Variants in ZDHHC13 observed in about 807,000 individuals in gnomAD.
The protein encoded by ZDHHC13 is zDHHC palmitoyltransferase 13, also known as palmitoyltransferase ZDHHC13.
ZDHHC13 carries 85 observed loss-of-function variants against 86.0 expected under a neutral mutation model. The observed-to-expected ratio is 0.99, with a 90% CI of 0.83 to 1.18. The LOEUF is 1.18. Among genes scored for constraint, ZDHHC13 ranks in the 50% most tolerant of loss-of-function variants. ZDHHC13 has a pLI of 0.00. For synonymous variants in ZDHHC13, 263 were observed against 246.4 expected (o/e 1.07, Z -0.63); for missense variants, 711 against 730.2 (o/e 0.97, Z 0.30).
At chr11:19,160,133 A>C (rs1849870687) in intron 10 of ZDHHC13, among the ~76,000 whole-genome samples, 1 of 152,034 alleles carries the variant, frequency 6.6e-6, no homozygotes, top group African/African-American at 2.4e-5. Context: ...TGGCCATAGG[A>C]GTTCTCAAAG....
chr11:19,166,412 G>A (rs776340301), intron 14 of ZDHHC13, 27 bp downstream of exon 14: 3 of 1,552,200 alleles, frequency 1.9e-6, no homozygotes, highest in African/African-American at 1.4e-5. Context: ...CTTACAACAA[G>A]CACATACATC....
chr11:19,138,967 G>A (rs564889765), intron 1 of ZDHHC13, among the ~76,000 whole-genome samples: 27 of 151,878 alleles, frequency 1.8e-4, no homozygotes, highest in Non-Finnish European at 1.5e-5. Context: ...ATACTGAATG[G>A]GCAAAAACTG....
At position 19,147,581 on chromosome 11, in the gene ZDHHC13, G is replaced by T. The variant is rs1475747961; in HGVS notation, c.297-15G>T. 2 of 1,574,756 alleles carry T rather than the reference G, an allele frequency of 1.3e-6. No homozygotes were observed. The highest frequency in any genetic ancestry group is 1.3e-5 in the African/African-American group (1 of 74,082). On this transcript the variant is annotated splice_polypyrimidine_tract_variant and intron_variant, in intron 3 of 16. Coordinates refer to ENST00000446113, the MANE Select transcript of ZDHHC13 (RefSeq NM_019028.3). ...AGTTTCAAATCTTACTTTCATTTGTGTCTGCTTTTAACAGGTTTTATATTT... is the reference window on the plus strand; with the variant it reads ...AGTTTCAAATCTTACTTTCATTTGTTTCTGCTTTTAACAGGTTTTATATTT...
intron 8 of ZDHHC13, among the ~76,000 whole-genome samples, chr11:19,153,806 C>A (rs1435606155): frequency 1.3e-5 from 2 of 152,084 alleles, no homozygotes; most frequent in Admixed American, 1.3e-4. Flanking sequence ...CCTGACTAAG[C>A]CAAGCCTTCC....
intron 13 of ZDHHC13, among the ~76,000 whole-genome samples, chr11:19,165,938 A>G (rs542909472): frequency 6.6e-6 from 1 of 152,348 alleles, no homozygotes; most frequent in South Asian, 2.1e-4. Context: ...TTTTACAAAC[A>G]TGTTGCATGG....
At chr11:19,171,447 CAAG>C (rs1850218397) in intron 15 of ZDHHC13, among the ~76,000 whole-genome samples, 3 of 151,346 alleles carry the variant, frequency 2.0e-5, no homozygotes, top group African/African-American at 4.9e-5. Flanking sequence ...ATAATAATAA[CAAG>C]AAGAGAAGGA....
chr11:19,163,867 G>A (rs1849981290), intron 11 of ZDHHC13, among the ~76,000 whole-genome samples: 1 of 152,164 alleles, frequency 6.6e-6, no homozygotes, highest in South Asian at 2.1e-4. Flanking sequence ...GCTCATGAAT[G>A]TTTAGAAGTT....
intron 1 of ZDHHC13, among the ~76,000 whole-genome samples, chr11:19,135,197 A>C (rs1006586509): frequency 6.6e-6 from 1 of 152,222 alleles, no homozygotes; most frequent in Non-Finnish European, 1.5e-5. Flanking sequence ...GACAGTGGGC[A>C]CAGGTCAGTG....
chr11:19,152,659 T>G lies in ZDHHC13; in HGVS notation c.848T>G (p.Leu283Arg). 6.2e-7 allele frequency: 1 copy of G among 1,613,272 alleles called. No individual in the cohort carries two copies. The highest frequency in any genetic ancestry group is 8.5e-7 in the Non-Finnish European group (1 of 1,179,376). Residue 283 changes from leucine (L) to arginine (R), a missense_variant, in exon 8 of 17, where the codon CTT becomes CGT. Transcript: ENST00000446113. The part of the protein sequence containing the change: ...AKMRANQKFR[L>R]WRWLQKCELF... Reference sequence around the variant, plus strand: ...ATGAGAGCCAACCAAAAGTTCAGACTTTGGAGGTGGCTGCAGAAATGCGAG... The same window carrying G: ...ATGAGAGCCAACCAAAAGTTCAGACGTTGGAGGTGGCTGCAGAAATGCGAG...
At chr11:19,158,726 CGTT>C (rs1159208366) in intron 9 of ZDHHC13, among the ~76,000 whole-genome samples, 2 of 152,190 alleles carry the variant, frequency 1.3e-5, no homozygotes, top group African/African-American at 4.8e-5. Flanking sequence ...TCTTGAGAGT[CGTT>C]GTGCTTTAGT....
At position 19,155,824 on chromosome 11, in the gene ZDHHC13, T is replaced by C; in HGVS notation, c.902T>C (p.Ile301Thr). 6.2e-7 allele frequency: 1 copy of C among 1,612,582 alleles called. No homozygotes were observed. Among genetic ancestry groups the C allele is most frequent in the Non-Finnish European group, 8.5e-7 (1 of 1,179,662 alleles). ...TTCCTGCTGCTGATGCTTTCTGTGA[T>C]TACCATGTGGGCTATTGGATACATA... is the stretch of plus-strand genomic sequence containing the variant. ...ELFLLLMLSV[I>T]TMWAIGYILD... is the part of the protein sequence containing the mutation. The change falls in exon 9 of 17, where the codon ATT (isoleucine) becomes ACT (threonine). Residue 301 changes from isoleucine (I) to threonine (T), a missense_variant. Physicochemically the swap from Ile to Thr is moderately conservative, Grantham distance 89 (BLOSUM62 -1). Coordinates refer to ENST00000446113, the MANE Select transcript of ZDHHC13 (RefSeq NM_019028.3).
intron 6 of ZDHHC13, among the ~76,000 whole-genome samples, chr11:19,151,215 A>G (rs1849598569): frequency 6.6e-6 from 1 of 152,074 alleles, no homozygotes; most frequent in African/African-American, 2.4e-5. Flanking sequence ...ATTCTTGACT[A>G]CTTTGAAAAT....
At chr11:19,147,218 A>T (rs897980609) in intron 3 of ZDHHC13, among the ~76,000 whole-genome samples, 5 of 152,170 alleles carry the variant, frequency 3.3e-5, no homozygotes, top group African/African-American at 1.2e-4. Context: ...GTTGAAGGTG[A>T]CATAACTTTA....
At chr11:19,172,688 CTGA>C (rs1242241069) in intron 15 of ZDHHC13, 32 bp from the exon 16 acceptor site, 1 of 1,524,820 alleles carries the variant, frequency 6.6e-7, no homozygotes, top group Admixed American at 2.1e-5. Flanking sequence ...AAGTTGCACA[CTGA>C]ATGTGTGCAA....
Position 19,117,423 on chromosome 11 carries a change from C to T in ZDHHC13, c.27+147C>T. 2 of 824,404 alleles carry T rather than the reference C, an allele frequency of 2.4e-6. No homozygotes were observed. The highest frequency in any genetic ancestry group is 3.5e-6 in the Non-Finnish European group (2 of 569,406). 51.1% of individuals were successfully genotyped at this position (824,404 alleles called of 1,614,324 possible). A position where few individuals can be genotyped will look rare whatever the true frequency, so the allele number is the denominator to read the frequency against. ...TCTGGGAAGCGGGAGCCTGGAAACA[C>T]CACGAACGATGCTGGAAATTGTCTC... On this transcript the variant is annotated intron_variant, in intron 1 of 16. Coordinates refer to ENST00000446113, the MANE Select transcript of ZDHHC13 (RefSeq NM_019028.3). This position sits in a 1 kb window ranked among gnomAD's most constrained non-coding sequence, Gnocchi z 4.2.
At chr11:19,169,269 G>C in intron 14 of ZDHHC13, 2 of 985,388 alleles carry the variant, frequency 2.0e-6, no homozygotes, top group Non-Finnish European at 2.4e-6. Flanking sequence ...AGGTGCATGG[G>C]ATGCATCTTT....
intron 1 of ZDHHC13, 57 bp from the exon 2 acceptor site, chr11:19,142,921 G>A: frequency 6.7e-7 from 1 of 1,497,786 alleles, no homozygotes; most frequent in Non-Finnish European, 9.0e-7. Context: ...GCTTCATTAT[G>A]TAATTGAGTG....
At chr11:19,137,015 G>A (rs1385339322) in intron 1 of ZDHHC13, among the ~76,000 whole-genome samples, 7 of 151,380 alleles carry the variant, frequency 4.6e-5, no homozygotes, top group Non-Finnish European at 1.5e-5. Flanking sequence ...GAACTAACGA[G>A]CAAAATAACC....
Position 19,166,348 on chromosome 11 carries a change from C to G in ZDHHC13, c.1437C>G (p.Ser479=). The change falls in exon 14 of 17, where the codon TCC becomes TCG. Residue 479 remains serine, a synonymous_variant. Coordinates refer to ENST00000446113, the MANE Select transcript of ZDHHC13 (RefSeq NM_019028.3). ...ACATATTCTTCTTGTTTTTCCTTTCCATGGTATGTGGCTGGATTATATATG... is the reference window on the plus strand; with the variant it reads ...ACATATTCTTCTTGTTTTTCCTTTCGATGGTATGTGGCTGGATTATATATG... ...HYYIFFLFFL[S]MVCGWIIYGS... is the part of the protein sequence containing the mutation. The G allele has an allele frequency of 6.2e-7, 1 of 1,612,294 alleles. No homozygotes were observed. Among genetic ancestry groups the G allele is most frequent in the South Asian group, 1.1e-5 (1 of 90,790 alleles).
Sources: allele counts gnomAD v4.1 joint callset (sites outside exome capture counted in the v4.1 genomes callset), GRCh38; gene constraint gnomAD v4.1.1; non-coding constraint Gnocchi (gnomAD v3.1); transcripts MANE v1.5; gene names NCBI Gene and HGNC (gene_info 2026-07-23, HGNC 2026-07-21).